IQCM: variants seen among roughly 807,000 people sequenced by gnomAD.
The protein encoded by IQCM is IQ domain-containing protein M.
IQCM carries 45 observed loss-of-function variants against 57.6 expected under a neutral mutation model. That is an observed-to-expected ratio of 0.78 (90% CI 0.62 to 1.00). The LOEUF is 1.00. IQCM is among the 50% of genes least tolerant of loss of function. The pLI is 0.00. For missense variants in IQCM, 468 were observed against 511.6 expected (o/e 0.91, Z 0.82); for synonymous variants, 148 against 158.9 (o/e 0.93, Z 0.51).
At chr4:149,662,465 T>C (rs1760309740) in intron 7 of IQCM, among the ~76,000 whole-genome samples, 1 of 151,998 alleles carries the variant, frequency 6.6e-6, no homozygotes, top group Non-Finnish European at 1.5e-5. Flanking sequence ...CCAATGTTTC[T>C]TTATTTTTTT....
intron 8 of IQCM, among the ~76,000 whole-genome samples, chr4:149,605,856 G>A (rs1364950159): frequency 6.6e-6 from 1 of 151,994 alleles, no homozygotes; most frequent in Non-Finnish European, 1.5e-5. Flanking sequence ...GGGAAGGCAA[G>A]GGAAGAGTAC....
chr4:149,563,727 G>T lies in IQCM; in HGVS notation c.913C>A (p.Leu305Ile), dbSNP rs190306249. The change falls in exon 10 of 14, where the codon CTT becomes ATT. Residue 305 changes from leucine (L) to isoleucine (I), a missense_variant. Physicochemically the swap from Leu to Ile is conservative, Grantham distance 5. Coordinates refer to ENST00000636793, the MANE Select transcript of IQCM (RefSeq NM_001363507.2). Reference sequence around the variant, plus strand: ...ACTCTTTGCAATCTTTTCCGTTCAAGCCATCCCCTGACATGTGCCTGCATG... The same window carrying T: ...ACTCTTTGCAATCTTTTCCGTTCAATCCATCCCCTGACATGTGCCTGCATG... ...TVMQAHVRGW[L>I]ERKRLQRVMT... The T allele has an allele frequency of 8.1e-7, 1 of 1,231,870 alleles. No individual in the cohort carries two copies. The highest frequency in any genetic ancestry group is 1.0e-6 in the Non-Finnish European group (1 of 987,916). The allele number at this position is 1,231,870 out of a possible 1,614,324, so 76.3% of individuals were successfully genotyped here. A position where few individuals can be genotyped will look rare whatever the true frequency, so the allele number is the denominator to read the frequency against.
At chr4:149,674,689 G>T (rs1761598865) in intron 7 of IQCM, among the ~76,000 whole-genome samples, 1 of 152,040 alleles carries the variant, frequency 6.6e-6, no homozygotes, top group Non-Finnish European at 1.5e-5. Flanking sequence ...TGACATGTTA[G>T]GTTGGAAATG....
intron 12 of IQCM, among the ~76,000 whole-genome samples, chr4:149,536,288 T>C (rs931130407): frequency 5.3e-5 from 8 of 152,016 alleles, no homozygotes; most frequent in African/African-American, 1.9e-4. Flanking sequence ...CACAATTCAC[T>C]AGACCTAAAT....
chr4:149,666,132 A>C (rs1760700299), intron 7 of IQCM: 1 of 152,540 alleles, frequency 6.6e-6, no homozygotes, highest in African/African-American at 2.4e-5. Context: ...ACTCCCCTTC[A>C]TTCCTGGGTA....
intron 5 of IQCM, among the ~76,000 whole-genome samples, chr4:149,720,441 C>T (rs922841147): frequency 4.6e-5 from 7 of 152,044 alleles, no homozygotes; most frequent in African/African-American, 1.7e-4. Flanking sequence ...TACTTCACTG[C>T]AGGAAACCAA....
chr4:149,666,920 G>T (rs569536218), intron 7 of IQCM, among the ~76,000 whole-genome samples: 1 of 152,256 alleles, frequency 6.6e-6, no homozygotes, highest in Non-Finnish European at 1.5e-5. Context: ...AAAGGCAGCA[G>T]CACCAGTCAG....
rs1256651709 is a variant in IQCM at position 149,433,616 on chromosome 4, C to T, written c.1229-59G>A. The T allele has an allele frequency of 1.3e-5, 9 of 675,194 alleles. No homozygotes were observed. The African/African-American group carries it at 1.5e-4, about 11-fold the overall frequency. The allele number at this position is 675,194 out of a possible 1,614,324, so 41.8% of individuals were successfully genotyped here. A position where few individuals can be genotyped will look rare whatever the true frequency, so the allele number is the denominator to read the frequency against. On this transcript the variant is annotated intron_variant, in intron 12 of 13. Transcript: ENST00000636793. Reference sequence around the variant, plus strand: ...GACATTTTACAGACTGTCATACTTGCTTCTTTTAAGGGATGCAAATTAAAA... The same window carrying T: ...GACATTTTACAGACTGTCATACTTGTTTCTTTTAAGGGATGCAAATTAAAA...
chr4:149,450,529 C>A (rs1288902092), intron 12 of IQCM, among the ~76,000 whole-genome samples: 1 of 151,522 alleles, frequency 6.6e-6, no homozygotes, highest in Non-Finnish European at 1.5e-5. Flanking sequence ...ATCTGATAAT[C>A]CAATTAAAAA....
chr4:149,790,133 G>A, intron 2 of IQCM: 1 of 634,762 alleles, frequency 1.6e-6, no homozygotes, highest in South Asian at 2.9e-5. Flanking sequence ...TCTATGGCAG[G>A]TTGGAATGAT....
At chr4:149,396,134 T>C (rs1297568755) in intron 13 of IQCM, among the ~76,000 whole-genome samples, 11 of 152,040 alleles carry the variant, frequency 7.2e-5, no homozygotes, top group African/African-American at 2.2e-4. Context: ...TTTTAACATA[T>C]AGAAAATCGA....
chr4:149,384,879 T>C (rs2111051903), intron 13 of IQCM, among the ~76,000 whole-genome samples: 1 of 152,192 alleles, frequency 6.6e-6, no homozygotes, highest in Middle Eastern at 3.4e-3. Context: ...TAGAAAACAT[T>C]AAGAATTTCC....
At chr4:149,636,794 A>G (rs1185693304) in intron 7 of IQCM, among the ~76,000 whole-genome samples, 2 of 152,214 alleles carry the variant, frequency 1.3e-5, no homozygotes, top group Non-Finnish European at 2.9e-5. Context: ...AACAGATGAT[A>G]TGACCAAGTA....
At chr4:149,718,549 G>A (rs553437974) in intron 5 of IQCM, among the ~76,000 whole-genome samples, 14 of 152,300 alleles carry the variant, frequency 9.2e-5, no homozygotes, top group Non-Finnish European at 1.8e-4. Context: ...GAATTGAAAT[G>A]TACTTTCAGA....
chr4:149,446,723 C>A (rs186312759), intron 12 of IQCM, among the ~76,000 whole-genome samples: 1 of 151,556 alleles, frequency 6.6e-6, no homozygotes, highest in Non-Finnish European at 1.5e-5. Context: ...ATATGTATCA[C>A]CATGAAGCAT....
At chr4:149,591,974 G>A (rs747107002) in intron 8 of IQCM, among the ~76,000 whole-genome samples, 2 of 152,116 alleles carry the variant, frequency 1.3e-5, no homozygotes, top group African/African-American at 4.8e-5. Flanking sequence ...ACCCAGTAAC[G>A]GGATGGCTGG....
intron 6 of IQCM, among the ~76,000 whole-genome samples, chr4:149,684,849 T>C (rs1288352279): frequency 6.6e-6 from 1 of 151,356 alleles, no homozygotes; most frequent in South Asian, 2.1e-4. Context: ...GTTACCACCA[T>C]CAACTAGCTA....
intron 7 of IQCM, among the ~76,000 whole-genome samples, chr4:149,673,462 G>A (rs1290909645): frequency 6.6e-6 from 1 of 151,944 alleles, no homozygotes; most frequent in Non-Finnish European, 1.5e-5. Context: ...AAAAATGCAG[G>A]GGTTGCAATC....
chr4:149,357,802 A>G (rs992336834), intron 13 of IQCM, among the ~76,000 whole-genome samples: 1 of 152,190 alleles, frequency 6.6e-6, no homozygotes, highest in African/African-American at 2.4e-5. Context: ...GTTGATTGGA[A>G]TAGTTTCAGA....
Sources: gnomAD v4.1 joint callset for allele counts (sites outside exome capture counted in the v4.1 genomes callset) on GRCh38, gnomAD v4.1.1 for gene constraint, MANE v1.5 for transcripts, NCBI Gene and HGNC (gene_info 2026-07-23, HGNC 2026-07-21) for gene names.